The following E2F3 variants were observed in gnomAD, a reference collection of about 807,000 sequenced individuals.
E2F3 encodes the protein E2F transcription factor 3.
E2F3 carries 11 observed loss-of-function variants against 44.4 expected under a neutral mutation model. The ratio of observed to expected loss-of-function variants is 0.25; its 90% CI spans 0.16 to 0.41. E2F3 has a LOEUF of 0.41. Ranked by LOEUF, E2F3 falls within the 10% of genes least tolerant of loss-of-function variation. The pLI, the probability that E2F3 is intolerant of heterozygous loss-of-function variation, is 1.00. For missense variants in E2F3, 487 were observed against 583.6 expected (o/e 0.83, Z 1.70); for synonymous variants, 249 against 253.0 (o/e 0.98, Z 0.15).
chr6:20,436,456 C>T (rs1379445656), intron 1 of E2F3, among the ~76,000 whole-genome samples: 1 of 111,410 alleles, frequency 9.0e-6, no homozygotes, highest in African/African-American at 5.7e-5. Context: ...CTAGGAAACA[C>T]ACACACACAC....
intron 1 of E2F3, among the ~76,000 whole-genome samples, chr6:20,439,215 T>G (rs1031838389): frequency 2.6e-5 from 4 of 152,232 alleles, no homozygotes; most frequent in Non-Finnish European, 5.9e-5. Context: ...TTTCTCTTGA[T>G]TTTAGAACCA....
chr6:20,412,465 A>G (rs927423098), intron 1 of E2F3, among the ~76,000 whole-genome samples: 3 of 152,150 alleles, frequency 2.0e-5, no homozygotes, highest in Admixed American at 6.5e-5. Flanking sequence ...CATAAGTCAA[A>G]GGCAGGCAGG....
chr6:20,423,574 G>A lies in E2F3; in HGVS notation c.393+20949G>A, dbSNP rs182819755. 5.4e-3 allele frequency among the ~76,000 whole-genome samples: 823 copies of A among 152,048 alleles called. 5 individuals carry two copies. The highest frequency in any genetic ancestry group is 0.017 in the African/African-American group (698 of 41,448). On this transcript the variant is annotated intron_variant, in intron 1 of 6. Transcript: ENST00000346618. ...CAACCTCTGCCTCCTGGGTTCAACC[G>A]ATTCTCCTGCCTCAGCCTCCCAAGT...
At chr6:20,453,282 A>G (rs532038350) in intron 1 of E2F3, among the ~76,000 whole-genome samples, 6 of 152,174 alleles carry the variant, frequency 3.9e-5, no homozygotes, top group Admixed American at 2.0e-4. Flanking sequence ...CCTTCCACAC[A>G]TACACGCACA....
At chr6:20,429,673 A>C (rs910338664) in intron 1 of E2F3, among the ~76,000 whole-genome samples, 1 of 151,756 alleles carries the variant, frequency 6.6e-6, no homozygotes, top group Admixed American at 6.6e-5. Context: ...GATATGTACA[A>C]TTTTGAGACC....
intron 1 of E2F3, among the ~76,000 whole-genome samples, chr6:20,468,157 G>A (rs78386685): frequency 0.021 from 3,171 of 152,242 alleles, 62 homozygotes; most frequent in African/African-American, 0.058. Context: ...CTAGCTGGGC[G>A]TCCTCCAATT....
intron 1 of E2F3, chr6:20,445,004 C>A (rs1287680193): frequency 2.2e-6 from 2 of 893,586 alleles, no homozygotes; most frequent in Non-Finnish European, 2.7e-6. Flanking sequence ...CAATACATGT[C>A]TTTTGAACTG....
chr6:20,417,537 C>T (rs1388471901), intron 1 of E2F3, among the ~76,000 whole-genome samples: 2 of 149,744 alleles, frequency 1.3e-5, no homozygotes, highest in Non-Finnish European at 3.0e-5. Context: ...ATTAAATAAA[C>T]TTTTAAATTT....
At chr6:20,414,812 G>A (rs933270759) in intron 1 of E2F3, among the ~76,000 whole-genome samples, 2 of 152,140 alleles carry the variant, frequency 1.3e-5, no homozygotes, top group Admixed American at 1.3e-4. Context: ...AAATGCATGC[G>A]TGACACAGTA....
chr6:20,402,373 C>T lies in E2F3; in HGVS notation c.141C>T (p.Ala47=), dbSNP rs1561842693. The change falls in exon 1 of 7, where the codon GCC becomes GCT. Residue 47 remains alanine (A), a synonymous_variant. Coordinates refer to ENST00000346618, the MANE Select transcript of E2F3 (RefSeq NM_001949.5). This position sits in a 1 kb window ranked among gnomAD's most constrained non-coding sequence, Gnocchi z 5.6. The part of the protein sequence containing the change: ...ALLASPGFAA[A]AAAAAAPGAY... ...TAGCCAGCCCCGGCTTCGCCGCCGC[C>T]GCCGCCGCTGCCGCCGCCCCGGGCG... 1 of 1,608,778 alleles carries T rather than the reference C, an allele frequency of 6.2e-7. No individual in the cohort carries two copies. Among genetic ancestry groups the T allele is most frequent in the East Asian group, 2.2e-5 (1 of 44,614 alleles).
chr6:20,412,500 GCA>G (rs1434897656), intron 1 of E2F3, among the ~76,000 whole-genome samples: 2 of 152,140 alleles, frequency 1.3e-5, no homozygotes, highest in Non-Finnish European at 2.9e-5. Flanking sequence ...TCAGGAGGCA[GCA>G]TTTGGACTAG....
chr6:20,456,729 G>A (rs1761320112), intron 1 of E2F3, among the ~76,000 whole-genome samples: 1 of 152,116 alleles, frequency 6.6e-6, no homozygotes. Flanking sequence ...TATAAATAAT[G>A]GCCTCAGATT....
chr6:20,444,834 A>G (rs1760888606), intron 1 of E2F3, among the ~76,000 whole-genome samples: 1 of 152,248 alleles, frequency 6.6e-6, no homozygotes. Context: ...GGTCTTGGGA[A>G]GTCCCCCTGA....
intron 1 of E2F3, among the ~76,000 whole-genome samples, chr6:20,453,774 C>T (rs1369713102): frequency 6.6e-6 from 1 of 152,156 alleles, no homozygotes; most frequent in Non-Finnish European, 1.5e-5. Flanking sequence ...CCCACCTTTC[C>T]TCCCACTGAA....
At chr6:20,433,107 A>G (rs1303543158) in intron 1 of E2F3, among the ~76,000 whole-genome samples, 1 of 152,198 alleles carries the variant, frequency 6.6e-6, no homozygotes, top group Non-Finnish European at 1.5e-5. Context: ...GTGCTCTGTG[A>G]ATATTTGCTA....
intron 3 of E2F3, among the ~76,000 whole-genome samples, 190 bp from the exon 4 acceptor site, chr6:20,482,572 G>A (rs961266205): frequency 1.4e-4 from 19 of 138,690 alleles, no homozygotes; most frequent in Admixed American, 4.4e-4. Flanking sequence ...GCTGTGAAAA[G>A]TGCAGAACTG....
intron 1 of E2F3, among the ~76,000 whole-genome samples, chr6:20,444,061 G>A (rs954490649): frequency 9.2e-5 from 14 of 151,880 alleles, no homozygotes; most frequent in African/African-American, 2.9e-4. Context: ...AAAAAAATTA[G>A]TCAGGCATGG....
intron 1 of E2F3, among the ~76,000 whole-genome samples, chr6:20,457,633 A>T (rs1241611227): frequency 6.6e-6 from 1 of 152,200 alleles, no homozygotes; most frequent in East Asian, 1.9e-4. Flanking sequence ...AAACTGTCAG[A>T]GTGGTCCCCT....
At chr6:20,439,674 T>A (rs1760707687) in intron 1 of E2F3, among the ~76,000 whole-genome samples, 1 of 152,076 alleles carries the variant, frequency 6.6e-6, no homozygotes, top group Non-Finnish European at 1.5e-5. Flanking sequence ...TAGGACTAGG[T>A]GCATGCCACC....
Sources: gnomAD v4.1 joint callset for allele counts (sites outside exome capture counted in the v4.1 genomes callset) on GRCh38, gnomAD v4.1.1 for gene constraint, Gnocchi (gnomAD v3.1) non-coding constraint, MANE v1.5 for transcripts, NCBI Gene and HGNC (gene_info 2026-07-23, HGNC 2026-07-21) for gene names.